The following STARD9 variants were observed in gnomAD, a reference collection of about 807,000 sequenced individuals.
The protein encoded by STARD9 is stAR-related lipid transfer protein 9.
A neutral mutation model predicts 399.8 loss-of-function variants in STARD9; 346 were observed. That is an observed-to-expected ratio of 0.87 (90% confidence interval 0.79 to 0.95). The LOEUF is 0.95. STARD9 is among the 40% of genes least tolerant of loss of function. The pLI is 0.00. For synonymous variants in STARD9, 2,203 were observed against 2,143.5 expected (o/e 1.03, Z -0.77); for missense variants, 5,832 against 5,667.5 (o/e 1.03, Z -0.93).
At chr15:42,712,290 T>C (rs1258985868) in intron 26 of STARD9, among the ~76,000 whole-genome samples, 4 of 149,060 alleles carry the variant, frequency 2.7e-5, no homozygotes, top group African/African-American at 9.9e-5. Flanking sequence ...ACTGTCTTGA[T>C]ATAGTGCCCT....
rs1566971848 is a variant in STARD9 at position 42,718,805 on chromosome 15, A to G, written c.13896A>G (p.Arg4632=). ...CTGTGTATGATACATCCATGCCAAG[A>G]CCCAGCAGAAAAATGGTTCGCGGGG... ...AQSVYDTSMP[R]PSRKMVRGEI... Residue 4632 remains arginine (R), a synonymous_variant, in exon 32 of 33, where the codon AGA becomes AGG. Coordinates refer to ENST00000290607, the MANE Select transcript of STARD9 (RefSeq NM_020759.3). The G allele has an allele frequency of 4.6e-6, 7 of 1,537,180 alleles. No homozygotes were observed. In the South Asian group the frequency reaches 8.3e-5, roughly 18 times the overall value.
intron 3 of STARD9, among the ~76,000 whole-genome samples, chr15:42,594,322 C>T (rs927548554): frequency 6.6e-6 from 1 of 152,160 alleles, no homozygotes; most frequent in Non-Finnish European, 1.5e-5. Flanking sequence ...GAATGTTGAT[C>T]CTGCGATGGG....
At chr15:42,642,444 AC>A (rs1394510092) in intron 7 of STARD9, among the ~76,000 whole-genome samples, 1 of 152,248 alleles carries the variant, frequency 6.6e-6, no homozygotes, top group African/African-American at 2.4e-5. Flanking sequence ...TCTAAGTGAG[AC>A]AAAGACAATA....
Position 42,684,174 on chromosome 15 carries a change from C to T in STARD9, c.2596C>T (p.Gln866Ter). The T allele has an allele frequency of 6.5e-7, 1 of 1,537,232 alleles. No individual in the cohort carries two copies. Among genetic ancestry groups the T allele is most frequent in the African/African-American group, 1.4e-5 (1 of 73,174 alleles). Residue 866 changes from glutamine (Q) to a stop codon, truncating the protein, a stop_gained, in exon 23 of 33, where the codon CAA becomes TAA. Transcript: ENST00000290607. LOFTEE classifies it high-confidence loss of function. ...TLPPRPDPTH[Q>*]TSEKTSSEEH... ...GCCACCTAGGCCTGACCCTACACAC[C>T]AAACATCAGAGAAAACATCATCAGA...
intron 1 of STARD9, chr15:42,581,609 AG>A: frequency 1.4e-6 from 1 of 691,804 alleles, no homozygotes; most frequent in Non-Finnish European, 2.5e-6. Context: ...CGCTTCCTCT[AG>A]TTCCCTCGTC....
At chr15:42,671,378 C>T (rs1340938904) in intron 16 of STARD9, 1 of 152,108 alleles carries the variant, frequency 6.6e-6, no homozygotes, top group Non-Finnish European at 1.5e-5. Flanking sequence ...GGGTGCTTCT[C>T]CTTGGCCAGT....
intron 3 of STARD9, among the ~76,000 whole-genome samples, chr15:42,591,366 T>C (rs2058389118): frequency 6.6e-6 from 1 of 151,892 alleles, no homozygotes; most frequent in Non-Finnish European, 1.5e-5. Flanking sequence ...TGCATGCCTG[T>C]AATCCGAGCT....
At chr15:42,635,374 GGCTGGAGT>G (rs1262238857) in intron 4 of STARD9, among the ~76,000 whole-genome samples, 4 of 152,022 alleles carry the variant, frequency 2.6e-5, no homozygotes, top group African/African-American at 9.7e-5. Flanking sequence ...CTGTCGCCGA[GGCTGGAGT>G]GCAGTGGCGC....
At position 42,719,759 on chromosome 15, in the gene STARD9, A is replaced by C; in HGVS notation, c.*185A>C. ...CAAAGCCCAGTCAGTACTTGGTCACAGCTGGCACCAGTGCAGAGCAAACGG... is the reference window on the plus strand; with the variant it reads ...CAAAGCCCAGTCAGTACTTGGTCACCGCTGGCACCAGTGCAGAGCAAACGG... On this transcript the variant is annotated 3_prime_UTR_variant, in exon 33 of 33. Coordinates refer to ENST00000290607, the MANE Select transcript of STARD9 (RefSeq NM_020759.3). The C allele has an allele frequency of 1.7e-6, 1 of 585,274 alleles. No homozygotes were observed. Among genetic ancestry groups the C allele is most frequent in the East Asian group, 2.9e-5 (1 of 34,940 alleles). 36.3% of individuals were successfully genotyped at this position (585,274 alleles called of 1,614,324 possible). A position where few individuals can be genotyped will look rare whatever the true frequency, so the allele number is the denominator to read the frequency against.
chr15:42,686,161 G>A lies in STARD9; in HGVS notation c.4583G>A (p.Gly1528Glu). 1 of 1,537,418 alleles carries A rather than the reference G, an allele frequency of 6.5e-7. No individual in the cohort carries two copies. Among genetic ancestry groups the A allele is most frequent in the Non-Finnish European group, 8.7e-7 (1 of 1,146,964 alleles). ...CTGGCCCAAGCTTCTAGCAAAGGAG[G>A]AGATACTCTATTGCCAGTTGGCCCT... ...GSLAQASSKG[G>E]DTLLPVGPRV... The change falls in exon 23 of 33, where the codon GGA becomes GAA. Residue 1528 changes from glycine (G) to glutamate (E), a missense_variant. Around this residue, in one of 2 missense-constraint regions of STARD9, gnomAD observed 5,828 missense variants for 5,651.1 expected, o/e 1.03. Transcript: ENST00000290607.
chr15:42,706,403 C>G (rs1050639212), intron 26 of STARD9, among the ~76,000 whole-genome samples: 1 of 150,348 alleles, frequency 6.7e-6, no homozygotes, highest in African/African-American at 2.4e-5. Flanking sequence ...GGTTGATTCT[C>G]TAGACCTGCA....
Position 42,663,335 on chromosome 15 carries a change from A to G in STARD9, c.923A>G (p.Asn308Ser), listed in dbSNP as rs1327010071. The G allele has an allele frequency of 1.0e-5, 16 of 1,537,256 alleles. No individual in the cohort carries two copies. Among genetic ancestry groups the G allele is most frequent in the Non-Finnish European group, 1.2e-5 (14 of 1,146,926 alleles). ...CAGAGCCTCAACAGCTCAGTCAGCA[A>G]TGGTGGTGACAGTGGGATCCTTAGC... is the stretch of plus-strand genomic sequence containing the variant. ...SCQSLNSSVSNGGDSGILSSP... is the reference protein window; with the variant it reads ...SCQSLNSSVSSGGDSGILSSP... Residue 308 changes from asparagine (N) to serine (S), a missense_variant, in exon 12 of 33, where the codon AAT becomes AGT. By Grantham distance (46) the Asn-to-Ser change is conservative (BLOSUM62 1). Transcript: ENST00000290607.
intron 10 of STARD9, 150 bp downstream of exon 10, chr15:42,661,375 T>C: frequency 1.6e-6 from 1 of 642,216 alleles, no homozygotes; most frequent in Non-Finnish European, 2.7e-6. Flanking sequence ...GAAGTTATTT[T>C]CTAGGGGCCG....
intron 26 of STARD9, among the ~76,000 whole-genome samples, chr15:42,713,031 A>G (rs1392297055): frequency 6.6e-6 from 1 of 152,202 alleles, no homozygotes; most frequent in African/African-American, 2.4e-5. Context: ...GGGTAGATCA[A>G]TTGGGGGAGC....
At chr15:42,660,504 G>A (rs1207662616) in intron 9 of STARD9, among the ~76,000 whole-genome samples, 1 of 151,196 alleles carries the variant, frequency 6.6e-6, no homozygotes, top group Non-Finnish European at 1.5e-5. Context: ...GCCAGAGGTT[G>A]CAGTGGGCCG....
chr15:42,705,584 A>G (rs1368806142), intron 26 of STARD9, among the ~76,000 whole-genome samples: 1 of 151,848 alleles, frequency 6.6e-6, no homozygotes. Flanking sequence ...ACAGGCATGC[A>G]TCACCCTCCA....
intron 3 of STARD9, among the ~76,000 whole-genome samples, chr15:42,596,283 A>G (rs2058502879): frequency 1.3e-5 from 2 of 152,034 alleles, no homozygotes; most frequent in South Asian, 4.1e-4. Flanking sequence ...CCTTGATGTT[A>G]CCCCATTTTT....
At chr15:42,708,054 G>A (rs1035834555) in intron 26 of STARD9, among the ~76,000 whole-genome samples, 7 of 151,664 alleles carry the variant, frequency 4.6e-5, no homozygotes, top group African/African-American at 1.7e-4. Flanking sequence ...TCAGGAGGCT[G>A]TGGTGGGAGG....
Position 42,691,175 on chromosome 15 carries a change from T to TA in STARD9, c.9598dup (p.Thr3200AsnfsTer36). The stretch of plus-strand genomic sequence containing the variant: ...CCAAGTTTGTAGCAAGGTTAAAACA[T>TA]ACCTGCAGCCCCCAGGAAGACAGTC... On this transcript the variant is annotated frameshift_variant, in exon 23 of 33. Transcript: ENST00000290607. LOFTEE classifies it high-confidence loss of function. The TA allele has an allele frequency of 3.9e-6, 6 of 1,537,246 alleles. No individual in the cohort carries two copies. Among genetic ancestry groups the TA allele is most frequent in the Non-Finnish European group, 3.5e-6 (4 of 1,146,900 alleles).
Sources: allele counts gnomAD v4.1 joint callset (sites outside exome capture counted in the v4.1 genomes callset), GRCh38; gene constraint gnomAD v4.1.1; regional missense constraint gnomAD v4.1.1; transcripts MANE v1.5; gene names NCBI Gene and HGNC (gene_info 2026-07-23, HGNC 2026-07-21).